The following PCDH15 variants were observed in gnomAD, a reference collection of about 807,000 sequenced individuals.
PCDH15 encodes the protein protocadherin-15.
In PCDH15, 129 loss-of-function variants were observed where a neutral mutation model predicts 178.5. That is an observed-to-expected ratio of 0.72 (90% CI 0.63 to 0.84). PCDH15 has a LOEUF of 0.84. Ranked by LOEUF, PCDH15 falls within the 40% of genes least tolerant of loss-of-function variation. The pLI, the probability that PCDH15 is intolerant of heterozygous loss-of-function variation, is 0.00. For synonymous variants in PCDH15, 800 were observed against 732.0 expected, an observed-to-expected ratio of 1.09 and a Z score of -1.50; for missense variants, 2,230 against 2,099.9, an observed-to-expected ratio of 1.06 and a Z score of -1.21.
chr10:54,568,842 A>G (rs560922220), intron 2 of PCDH15, among the ~76,000 whole-genome samples: 1 of 152,226 alleles, frequency 6.6e-6, no homozygotes, highest in Admixed American at 6.6e-5. Context: ...CATCATCATC[A>G]TTCTAAATTG....
At chr10:53,977,632 T>C (rs907844019) in intron 21 of PCDH15, among the ~76,000 whole-genome samples, 1 of 152,140 alleles carries the variant, frequency 6.6e-6, no homozygotes. Context: ...CAAAACACAA[T>C]CATGCCTTCC....
chr10:54,875,087 T>A (rs1954115438), intron 3 of PCDH15, among the ~76,000 whole-genome samples: 1 of 152,176 alleles, frequency 6.6e-6, no homozygotes, highest in Non-Finnish European at 1.5e-5. Flanking sequence ...TGTGAGCAAC[T>A]CTATCAGTGC....
At chr10:54,281,002 T>C (rs1275992138) in intron 8 of PCDH15, among the ~76,000 whole-genome samples, 2 of 151,952 alleles carry the variant, frequency 1.3e-5, no homozygotes, top group African/African-American at 4.8e-5. Context: ...TCTATGTGTG[T>C]ATGTATATAT....
At chr10:54,982,518 AAC>A (rs1161770342) in intron 2 of PCDH15, among the ~76,000 whole-genome samples, 4 of 152,192 alleles carry the variant, frequency 2.6e-5, no homozygotes, top group African/African-American at 9.7e-5. Flanking sequence ...AGAAGAGAGA[AAC>A]ACAATTTACT....
chr10:55,172,087 G>T lies in PCDH15; in HGVS notation c.-155-5436C>A, dbSNP rs56320283. Among the ~76,000 whole-genome samples the T allele has an allele frequency of 5.9e-3, 893 of 151,940 alleles. 9 individuals carry two copies. The highest frequency in any genetic ancestry group is 0.021 in the African/African-American group (871 of 41,480). On this transcript the variant is annotated intron_variant, in intron 1 of 5. Coordinates refer to the PCDH15 transcript ENST00000458638. ...CCACTTATCTTTATGTAAATCTAGA[G>T]ATTTTTTCAAAAGATTAAAGTATTG... is the stretch of plus-strand genomic sequence containing the variant.
intron 16 of PCDH15, among the ~76,000 whole-genome samples, chr10:54,085,117 A>C (rs563222464): frequency 6.6e-6 from 1 of 152,106 alleles, no homozygotes; most frequent in African/African-American, 2.4e-5. Flanking sequence ...TAATATTTTG[A>C]AAGTAGAGCT....
chr10:54,474,095 T>C (rs561419259), intron 3 of PCDH15, among the ~76,000 whole-genome samples: 1 of 152,100 alleles, frequency 6.6e-6, no homozygotes, highest in East Asian at 1.9e-4. Flanking sequence ...TTCATTTCTA[T>C]ATTCGAATTG....
chr10:55,130,191 T>A (rs1838003943), intron 2 of PCDH15, among the ~76,000 whole-genome samples: 1 of 151,802 alleles, frequency 6.6e-6, no homozygotes, highest in South Asian at 2.1e-4. Context: ...AAGGTAAACA[T>A]TAATTGGAGT....
chr10:54,356,472 T>C (rs1944995197), intron 5 of PCDH15, among the ~76,000 whole-genome samples: 1 of 151,804 alleles, frequency 6.6e-6, no homozygotes, highest in African/African-American at 2.4e-5. Context: ...TAGTATAAAA[T>C]AGTTATGTAT....
chr10:54,832,821 G>C (rs1199785897), intron 3 of PCDH15, among the ~76,000 whole-genome samples: 1 of 152,114 alleles, frequency 6.6e-6, no homozygotes, highest in East Asian at 1.9e-4. Flanking sequence ...TGTTATGAAT[G>C]ATGAGGTAAA....
chr10:55,098,360 A>C (rs1416587089), intron 2 of PCDH15, among the ~76,000 whole-genome samples: 1 of 152,132 alleles, frequency 6.6e-6, no homozygotes, highest in African/African-American at 2.4e-5. Context: ...TATTTAGGTA[A>C]ATAGTGAAGG....
At chr10:54,220,825 AAAATAAATAAATAAATAAAT>A (rs10595887) in intron 9 of PCDH15, among the ~76,000 whole-genome samples, 5 of 143,116 alleles carry the variant, frequency 3.5e-5, no homozygotes, top group East Asian at 4.2e-4. Context: ...ACTCCGTCTC[AAAATAAATAAATAAATAAAT>A]AAATAAATAA....
chr10:55,275,781 T>C (rs1222047704), intron 1 of PCDH15, among the ~76,000 whole-genome samples: 2 of 151,490 alleles, frequency 1.3e-5, no homozygotes, highest in African/African-American at 4.9e-5. Flanking sequence ...AATCAGGTTG[T>C]CAAAATCCAT....
Position 54,730,932 on chromosome 10 carries a change from C to T in PCDH15, c.-28-66642G>A, listed in dbSNP as rs117458436. On this transcript the variant is annotated intron_variant, in intron 1 of 37. Transcript: ENST00000644397. ...ATATGAAATTACATTAGGCTAAAAA[C>T]CTTCTGCACAGAAAAGAAAACAATC... is the stretch of plus-strand genomic sequence containing the variant. Among the ~76,000 whole-genome samples the T allele has an allele frequency of 4.3e-3, 653 of 151,276 alleles. 16 individuals carry two copies. In the East Asian group the frequency reaches 0.055, roughly 13 times the overall value.
In PCDH15 at chr10:54,720,518, C is replaced by CAAAA. The variant is rs34014038; in HGVS notation, c.-28-56232_-28-56229dup. On this transcript the variant is annotated intron_variant, in intron 1 of 37. Coordinates refer to ENST00000644397, the MANE Select transcript of PCDH15 (RefSeq NM_001384140.1). ...TTGGAAGACTATTTTTAGTCTCTTC[C>CAAAA]AAAAAAAAATACCAGCTAACAATTT... Among the ~76,000 whole-genome samples the CAAAA allele has an allele frequency of 1.3e-3, 192 of 149,520 alleles. 2 individuals carry two copies. Among genetic ancestry groups the CAAAA allele is most frequent in the African/African-American group, 2.5e-3 (101 of 40,570 alleles).
intron 15 of PCDH15, among the ~76,000 whole-genome samples, chr10:54,091,087 T>C (rs1391257629): frequency 6.6e-6 from 1 of 152,212 alleles, no homozygotes; most frequent in Admixed American, 6.5e-5. Flanking sequence ...TCTTGTTTTA[T>C]GGCACTGAGG....
At chr10:54,393,649 A>G (rs563523179) in intron 3 of PCDH15, among the ~76,000 whole-genome samples, 10 of 152,298 alleles carry the variant, frequency 6.6e-5, no homozygotes, top group African/African-American at 2.2e-4. Flanking sequence ...ATATTTTAAA[A>G]ATATAATCTG....
rs2060574792 is a variant in PCDH15, at chr10:54,307,096, GTGTGTGTGTATATATATA to G, written c.876+10157_876+10174del. On this transcript the variant is annotated intron_variant, in intron 8 of 37. Coordinates refer to ENST00000644397, the MANE Select transcript of PCDH15 (RefSeq NM_001384140.1). The stretch of plus-strand genomic sequence containing the variant: ...TATATATATACATATATATATATGT[GTGTGTGTGTATATATATA>G]TATATATATATATATATATATATAT... Among the ~76,000 whole-genome samples, 4 of 10,562 alleles carry G rather than the reference GTGTGTGTGTATATATATA, an allele frequency of 3.8e-4. 1 individual carries two copies. The highest frequency in any genetic ancestry group is 1.1e-3 in the African/African-American group (2 of 1,790). 6.9% of individuals were successfully genotyped at this position (10,562 alleles called of 152,430 possible).
At chr10:54,202,681 G>A (rs1413490699) in intron 10 of PCDH15, among the ~76,000 whole-genome samples, 1 of 151,808 alleles carries the variant, frequency 6.6e-6, no homozygotes, top group Non-Finnish European at 1.5e-5. Context: ...GCATGGCGCT[G>A]CATGCCTGTA....
Sources: gnomAD v4.1 joint callset for allele counts (sites outside exome capture counted in the v4.1 genomes callset) on GRCh38, gnomAD v4.1.1 for gene constraint, MANE v1.5 for transcripts, NCBI Gene and HGNC (gene_info 2026-07-23, HGNC 2026-07-21) for gene names.